Variants in SLC44A5 observed in about 807,000 individuals in gnomAD.
The protein encoded by SLC44A5 is solute carrier family 44 member 5.
A neutral mutation model predicts 101.8 loss-of-function variants in SLC44A5; 57 were observed. That is an observed-to-expected ratio of 0.56 (90% CI 0.45 to 0.70). SLC44A5 has a LOEUF of 0.70. SLC44A5 is among the 30% of genes least tolerant of loss of function. The pLI is 0.00. For missense variants in SLC44A5, 737 were observed against 853.1 expected, an observed-to-expected ratio of 0.86 and a Z score of 1.70; for synonymous variants, 281 against 290.9, an observed-to-expected ratio of 0.97 and a Z score of 0.35.
At chr1:75,640,587 TTC>T in the SLC44A5 span, among the ~76,000 whole-genome samples, 4 of 150,818 alleles carry the variant, frequency 2.7e-5, no homozygotes, top group Non-Finnish European at 3.0e-5. Context: ...CTACCTCTCA[TTC>T]TCTCTCTCTC....
intron 1 of SLC44A5, among the ~76,000 whole-genome samples, chr1:75,552,502 CAG>C (rs1671990817): frequency 1.3e-5 from 2 of 151,908 alleles, no homozygotes; most frequent in East Asian, 3.9e-4. Flanking sequence ...AATTTGAAAA[CAG>C]ACTCTCATAT....
chr1:75,360,725 A>C (rs1659424972), intron 3 of SLC44A5, among the ~76,000 whole-genome samples: 1 of 152,106 alleles, frequency 6.6e-6, no homozygotes, highest in South Asian at 2.1e-4. Context: ...TTTATAATAT[A>C]TTATGAAATC....
At chr1:75,639,404 G>A in the SLC44A5 span, among the ~76,000 whole-genome samples, 1 of 152,020 alleles carries the variant, frequency 6.6e-6, no homozygotes, top group Non-Finnish European at 1.5e-5. Context: ...CTTTACTTTT[G>A]TTCCATGATA....
chr1:75,276,959 G>A (rs1454354952), intron 5 of SLC44A5, among the ~76,000 whole-genome samples: 1 of 152,170 alleles, frequency 6.6e-6, no homozygotes, highest in Non-Finnish European at 1.5e-5. Flanking sequence ...ACTCAGGTGG[G>A]TCAAGGGGAA....
At chr1:75,496,477 A>T (rs901572470) in intron 2 of SLC44A5, among the ~76,000 whole-genome samples, 5 of 152,064 alleles carry the variant, frequency 3.3e-5, no homozygotes, top group Non-Finnish European at 4.4e-5. Context: ...TGGATTAAAG[A>T]CTTAAACCTG....
intron 3 of SLC44A5, among the ~76,000 whole-genome samples, chr1:75,362,450 T>A (rs1043831158): frequency 6.6e-6 from 1 of 152,004 alleles, no homozygotes; most frequent in Non-Finnish European, 1.5e-5. Context: ...TTTAGAACTG[T>A]TTCTGGGGCA....
intron 2 of SLC44A5, chr1:75,402,506 C>T (rs186092615): frequency 1.4e-4 from 44 of 324,306 alleles, no homozygotes; most frequent in African/African-American, 8.8e-4. Context: ...CTCATAGGGA[C>T]TGGTTAGACA....
Position 75,242,888 on chromosome 1 carries a change from T to C in SLC44A5, c.469A>G (p.Lys157Glu), listed in dbSNP as rs771013156. The part of the protein sequence containing the change: ...QFCKTTAKPV[K>E]SLTQLLLDDD... ...GCTTTAAGCTTAAACACACATACCTTCACAGGCTTAGCAGTGGTCTTACAG... is the reference window on the plus strand; with the variant it reads ...GCTTTAAGCTTAAACACACATACCTCCACAGGCTTAGCAGTGGTCTTACAG... The change falls in exon 8 of 24, where the codon AAG becomes GAG. Residue 157 changes from lysine to glutamate, a missense_variant and splice_region_variant. Physicochemically the swap from Lys to Glu is moderately conservative, Grantham distance 56. This residue lies in a region of SLC44A5 where 665 missense variants were observed against 764.4 expected (regional missense o/e 0.87). Transcript: ENST00000370859. 22 of 1,592,870 alleles carry C rather than the reference T, an allele frequency of 1.4e-5. No individual in the cohort carries two copies. The highest frequency in any genetic ancestry group is 1.9e-5 in the Non-Finnish European group (22 of 1,171,492).
At chr1:75,461,502 C>T (rs1276121140) in intron 2 of SLC44A5, among the ~76,000 whole-genome samples, 1 of 152,040 alleles carries the variant, frequency 6.6e-6, no homozygotes, top group East Asian at 1.9e-4. Flanking sequence ...TTTTGAGGAT[C>T]CCATTTGTCC....
chr1:75,327,780 A>G (rs181035895), intron 4 of SLC44A5, among the ~76,000 whole-genome samples: 50 of 152,372 alleles, frequency 3.3e-4, no homozygotes, highest in Admixed American at 9.8e-4. Flanking sequence ...GTCTAACTAG[A>G]AAATGACCTT....
At chr1:75,599,929 C>A (rs1166004151) in intron 1 of SLC44A5, among the ~76,000 whole-genome samples, 1 of 152,026 alleles carries the variant, frequency 6.6e-6, no homozygotes, top group African/African-American at 2.4e-5. Context: ...CAATGAAAAG[C>A]CATTATTGGA....
Position 75,537,069 on chromosome 1 carries a change from A to G in SLC44A5, c.13+4366T>C, listed in dbSNP as rs138695032. On this transcript the variant is annotated intron_variant, in intron 2 of 23. Transcript: ENST00000370859. ...ATGCCAAATGATTCTGAATATGTAT[A>G]TAGCTTAAAAACTTAAGTAACATGC... Among the ~76,000 whole-genome samples, 215 of 144,648 alleles carry G rather than the reference A, an allele frequency of 1.5e-3. 3 individuals are homozygous for G. Among genetic ancestry groups the G allele is most frequent in the Admixed American group, 0.014 (198 of 14,024 alleles). 94.9% of individuals were successfully genotyped at this position (144,648 alleles called of 152,430 possible).
At chr1:75,695,761 A>T in the SLC44A5 span, among the ~76,000 whole-genome samples, 1 of 148,294 alleles carries the variant, frequency 6.7e-6, no homozygotes, top group East Asian at 1.9e-4. Context: ...CATATAATTT[A>T]TATATAAATA....
chr1:75,683,304 T>C, the SLC44A5 span, among the ~76,000 whole-genome samples: 52 of 152,194 alleles, frequency 3.4e-4, no homozygotes, highest in Middle Eastern at 6.8e-3. Flanking sequence ...GACACATGCA[T>C]ACGTATGTTT....
chr1:75,314,819 T>TTTAG (rs1161121677), intron 4 of SLC44A5, among the ~76,000 whole-genome samples: 6 of 152,172 alleles, frequency 3.9e-5, no homozygotes, highest in African/African-American at 7.2e-5. Context: ...ATTGCTTTGT[T>TTTAG]TTAGTTAGTG....
chr1:75,418,780 G>T (rs973888283), intron 2 of SLC44A5, among the ~76,000 whole-genome samples: 1 of 152,294 alleles, frequency 6.6e-6, no homozygotes, highest in Middle Eastern at 3.4e-3. Context: ...ATTTTGAAAA[G>T]ATCAGTTATT....
At chr1:75,294,559 G>A (rs1653813174) in intron 5 of SLC44A5, among the ~76,000 whole-genome samples, 1 of 152,102 alleles carries the variant, frequency 6.6e-6, no homozygotes, top group South Asian at 2.1e-4. Context: ...ATTCACAATA[G>A]CCAAGATTTG....
the SLC44A5 span, among the ~76,000 whole-genome samples, chr1:75,688,506 A>C: frequency 2.0e-5 from 3 of 152,280 alleles, no homozygotes; most frequent in Non-Finnish European, 4.4e-5. Flanking sequence ...GCCATGCTGA[A>C]TCATCTCTAT....
the SLC44A5 span, among the ~76,000 whole-genome samples, chr1:75,686,553 T>A: frequency 6.6e-6 from 1 of 152,166 alleles, no homozygotes; most frequent in Non-Finnish European, 1.5e-5. Flanking sequence ...AGGAATGAGG[T>A]CAAAGAGGTA....
Sources: allele counts gnomAD v4.1 joint callset (sites outside exome capture counted in the v4.1 genomes callset), GRCh38; gene constraint gnomAD v4.1.1; regional missense constraint gnomAD v4.1.1; transcripts MANE v1.5; gene names NCBI Gene and HGNC (gene_info 2026-07-23, HGNC 2026-07-21).